The following COBL variants were observed in gnomAD, a reference collection of about 807,000 sequenced individuals.
COBL encodes the protein protein cordon-bleu.
In COBL, 51 loss-of-function variants were observed where a neutral mutation model predicts 98.8. That is an observed-to-expected ratio of 0.52 (90% CI 0.41 to 0.65). The LOEUF (loss-of-function observed/expected upper bound fraction) is 0.65, where lower values mean the gene tolerates loss of function less well. Among genes scored for constraint, COBL ranks in the 30% least tolerant of loss-of-function variants. The pLI, the probability that COBL is intolerant of heterozygous loss-of-function variation, is 0.00. For missense variants in COBL, 1,617 were observed against 1,617.5 expected, an observed-to-expected ratio of 1.00 and a Z score of 0.01; for synonymous variants, 634 against 651.7, an observed-to-expected ratio of 0.97 and a Z score of 0.41.
intron 1 of COBL, among the ~76,000 whole-genome samples, chr7:51,278,800 T>C (rs1350974805): frequency 2.0e-5 from 3 of 152,104 alleles, no homozygotes; most frequent in Non-Finnish European, 2.9e-5. Context: ...ATGACACCAA[T>C]CATCTAGAGA....
At chr7:51,249,866 T>G (rs1434066512) in intron 1 of COBL, among the ~76,000 whole-genome samples, 1 of 152,064 alleles carries the variant, frequency 6.6e-6, no homozygotes, top group East Asian at 1.9e-4. Flanking sequence ...CTTTGAGAGG[T>G]TGAGGCGGGC....
At chr7:51,228,761 C>T (rs2129101076) in intron 1 of COBL, among the ~76,000 whole-genome samples, 1 of 152,246 alleles carries the variant, frequency 6.6e-6, no homozygotes, top group East Asian at 1.9e-4. Context: ...TACTCAACTC[C>T]CAGCAAGTGA....
At chr7:51,203,653 G>T (rs551346867) in intron 2 of COBL, among the ~76,000 whole-genome samples, 2 of 151,714 alleles carry the variant, frequency 1.3e-5, no homozygotes, top group Admixed American at 1.3e-4. Context: ...TAAATTCCTC[G>T]ACATGTACCA....
chr7:51,307,088 T>C (rs1296637277), intron 1 of COBL, among the ~76,000 whole-genome samples: 1 of 152,116 alleles, frequency 6.6e-6, no homozygotes, highest in African/African-American at 2.4e-5. Context: ...CTCAGGCCCA[T>C]AATCCGAGTG....
chr7:51,112,414 T>C (rs929297017), intron 6 of COBL, among the ~76,000 whole-genome samples: 5 of 152,150 alleles, frequency 3.3e-5, no homozygotes, highest in Non-Finnish European at 7.4e-5. Flanking sequence ...ACTTAAAAAC[T>C]ACTTATTAAC....
intron 5 of COBL, among the ~76,000 whole-genome samples, chr7:51,153,585 C>A (rs1785788949): frequency 6.6e-6 from 1 of 152,178 alleles, no homozygotes; most frequent in Non-Finnish European, 1.5e-5. Context: ...CATAGATAGG[C>A]TTCTCTTCTC....
chr7:51,306,564 T>C (rs899535747), intron 1 of COBL, among the ~76,000 whole-genome samples: 1 of 152,148 alleles, frequency 6.6e-6, no homozygotes, highest in African/African-American at 2.4e-5. Context: ...TATTAATTCA[T>C]CAGCCAGTAT....
At chr7:51,161,755 A>C (rs1786839355) in intron 5 of COBL, among the ~76,000 whole-genome samples, 1 of 152,204 alleles carries the variant, frequency 6.6e-6, no homozygotes, top group Non-Finnish European at 1.5e-5. Context: ...AATTTATAGA[A>C]TTTGGATTTT....
Position 51,017,498 on chromosome 7 carries a change from C to T in COBL, c.*53G>A, listed in dbSNP as rs1024620629. 205 of 1,592,986 alleles carry T rather than the reference C, an allele frequency of 1.3e-4. No homozygotes were observed. Among genetic ancestry groups the T allele is most frequent in the Admixed American group, 3.8e-4 (23 of 59,972 alleles). On this transcript the variant is annotated 3_prime_UTR_variant, in exon 13 of 13. Transcript: ENST00000265136. ...CTGGCTATGCAGACTCCTTGAGTGA[C>T]GCCTGTGGGCATATTACAGGTGGGT...
intron 6 of COBL, among the ~76,000 whole-genome samples, chr7:51,134,400 A>G (rs1799028114): frequency 6.6e-6 from 1 of 152,204 alleles, no homozygotes; most frequent in Non-Finnish European, 1.5e-5. Flanking sequence ...ATAAAGTACT[A>G]TTTATTTTTC....
chr7:51,206,104 T>C (rs1791673428), intron 2 of COBL, among the ~76,000 whole-genome samples: 3 of 152,168 alleles, frequency 2.0e-5, no homozygotes. Flanking sequence ...TGTAAATTGG[T>C]ACAGCCATTA....
intron 1 of COBL, among the ~76,000 whole-genome samples, chr7:51,232,621 C>T (rs561784553): frequency 7.7e-4 from 117 of 152,254 alleles, no homozygotes; most frequent in Admixed American, 3.4e-3. Context: ...ACCATCCTGG[C>T]TAACACAGTG....
intron 7 of COBL, among the ~76,000 whole-genome samples, chr7:51,076,609 CT>C (rs1270804886): frequency 6.6e-6 from 1 of 152,208 alleles, no homozygotes; most frequent in Non-Finnish European, 1.5e-5. Flanking sequence ...GTTCATTCCT[CT>C]CATTTTATTT....
chr7:51,068,795 C>T (rs565941360), intron 7 of COBL, among the ~76,000 whole-genome samples: 52 of 152,322 alleles, frequency 3.4e-4, no homozygotes, highest in Non-Finnish European at 6.8e-4. Flanking sequence ...CATCAATGTT[C>T]TTCCTACACT....
chr7:51,261,910 T>TGCACTCCAACCTGGGCAACAAGAGTG (rs1797756332), intron 1 of COBL, among the ~76,000 whole-genome samples: 1 of 152,004 alleles, frequency 6.6e-6, no homozygotes, highest in Non-Finnish European at 1.5e-5. Flanking sequence ...ATCACGCCAT[T>TGCACTCCAACCTGGGCAACAAGAGTG]GCACTCCAAC....
chr7:51,093,148 C>A (rs1185269288), intron 6 of COBL, among the ~76,000 whole-genome samples: 1 of 151,804 alleles, frequency 6.6e-6, no homozygotes, highest in Non-Finnish European at 1.5e-5. Flanking sequence ...AGGCTAATAA[C>A]CAAAATATGT....
chr7:51,017,810 A>AG (rs796132247), intron 12 of COBL, among the ~76,000 whole-genome samples: 3 of 152,294 alleles, frequency 2.0e-5, no homozygotes, highest in African/African-American at 7.2e-5. Flanking sequence ...CAGAGGCCCG[A>AG]GGTCAAGGGA....
At chr7:51,185,807 C>T (rs1440861780) in intron 4 of COBL, among the ~76,000 whole-genome samples, 1 of 152,222 alleles carries the variant, frequency 6.6e-6, no homozygotes, top group Non-Finnish European at 1.5e-5. Flanking sequence ...AGTTAGAGAA[C>T]ACACACAGCA....
At chr7:51,080,764 G>A (rs1040786689) in intron 7 of COBL, among the ~76,000 whole-genome samples, 14 of 152,240 alleles carry the variant, frequency 9.2e-5, no homozygotes, top group East Asian at 3.9e-4. Context: ...AAAAATAGCC[G>A]GAAGTTTGCT....
Sources: allele counts gnomAD v4.1 joint callset (sites outside exome capture counted in the v4.1 genomes callset), GRCh38; gene constraint gnomAD v4.1.1; transcripts MANE v1.5; gene names NCBI Gene and HGNC (gene_info 2026-07-23, HGNC 2026-07-21).